DLGAP2: variants seen among roughly 807,000 people sequenced by gnomAD.
DLGAP2 encodes DLG associated protein 2.
A neutral mutation model predicts 100.3 loss-of-function variants in DLGAP2; 26 were observed. The ratio of observed to expected loss-of-function variants is 0.26; its 90% CI spans 0.19 to 0.36. The LOEUF is 0.36. DLGAP2 is among the 10% of genes least tolerant of loss of function. The pLI is 1.00. For missense variants in DLGAP2, 1,858 were observed against 1,453.2 expected (o/e 1.28, Z -4.53); for synonymous variants, 886 against 630.1 (o/e 1.41, Z -6.08).
chr8:1,690,729 A>AAAAAAAAAT (rs1799238226), intron 12 of DLGAP2, among the ~76,000 whole-genome samples: 1 of 149,252 alleles, frequency 6.7e-6, no homozygotes. Flanking sequence ...AAAAAAAAAA[A>AAAAAAAAAT]TTAGTATTTG....
Position 793,687 on chromosome 8 carries a change from T to C in DLGAP2, c.18+55862T>C, listed in dbSNP as rs114769584. 3.4e-3 allele frequency among the ~76,000 whole-genome samples: 522 copies of C among 152,378 alleles called. 3 individuals carry two copies. Among genetic ancestry groups the C allele is most frequent in the African/African-American group, 0.012 (494 of 41,590 alleles). On this transcript the variant is annotated intron_variant, in intron 1 of 14. Transcript: ENST00000637795. ...CTTTGCATTTTGTGCAATTTCCTTA[T>C]AGATTTCCCTGACGGAGTCCACAGC...
intron 1 of DLGAP2, among the ~76,000 whole-genome samples, chr8:904,678 C>T (rs558560463): frequency 6.6e-6 from 1 of 152,204 alleles, no homozygotes; most frequent in Non-Finnish European, 1.5e-5. Flanking sequence ...TTCGGGAACA[C>T]ATGTCAGTGC....
intron 2 of DLGAP2, among the ~76,000 whole-genome samples, chr8:951,385 C>T (rs1400355522): frequency 2.6e-5 from 4 of 152,152 alleles, no homozygotes; most frequent in Non-Finnish European, 5.9e-5. Flanking sequence ...GCCAGGATTA[C>T]AGGCACCTGC....
At chr8:865,896 A>G (rs547377939) in intron 1 of DLGAP2, among the ~76,000 whole-genome samples, 141 of 152,318 alleles carry the variant, frequency 9.3e-4, no homozygotes, top group Non-Finnish European at 1.7e-3. Context: ...CAGCTGCTGA[A>G]TGCATTCACT....
rs991036506 is a variant in DLGAP2 at position 1,678,106 on chromosome 8, G to T, written c.2289-108G>T. On this transcript the variant is annotated intron_variant, in intron 11 of 14. Coordinates refer to ENST00000637795, the MANE Select transcript of DLGAP2 (RefSeq NM_001346810.2). ...ACAAAACACTACCTGCCCTTGAGCC[G>T]CCAGGCTGTTGAGCTCAGGTGCGCT... The T allele has an allele frequency of 3.1e-6, 4 of 1,297,470 alleles. No homozygotes were observed. In the African/African-American group the frequency reaches 4.4e-5, roughly 14 times the overall value. 80.4% of individuals were successfully genotyped at this position (1,297,470 alleles called of 1,614,324 possible). A position where few individuals can be genotyped will look rare whatever the true frequency, so the allele number is the denominator to read the frequency against.
intron 2 of DLGAP2, among the ~76,000 whole-genome samples, chr8:1,136,377 C>G (rs990083305): frequency 8.5e-5 from 13 of 152,224 alleles, no homozygotes; most frequent in African/African-American, 2.4e-4. Flanking sequence ...ACAGCAGATG[C>G]TCGTGGGAGA....
chr8:1,306,555 A>G (rs967511723), intron 3 of DLGAP2, among the ~76,000 whole-genome samples: 3 of 152,194 alleles, frequency 2.0e-5, no homozygotes, highest in Non-Finnish European at 4.4e-5. Flanking sequence ...TAAAATTTAT[A>G]TGGAATTACA....
rs953532683 is a variant in DLGAP2, at chr8:1,262,453, G to T, written c.106+3570G>T. 4 of 152,246 alleles carry T rather than the reference G, an allele frequency of 2.6e-5. 1 individual carries two copies. The South Asian group carries it at 8.3e-4, about 32-fold the overall frequency. 9.4% of individuals were successfully genotyped at this position (152,246 alleles called of 1,614,324 possible). A position where few individuals can be genotyped will look rare whatever the true frequency, so the allele number is the denominator to read the frequency against. ...CCCAACTAAATCCTTGAAATGCAGC[G>T]TGGCGTGAAAATGGAGCGGCATTTT... On this transcript the variant is annotated intron_variant, in intron 3 of 14. Transcript: ENST00000637795.
intron 2 of DLGAP2, among the ~76,000 whole-genome samples, chr8:1,255,142 G>A (rs866791951): frequency 1.5e-5 from 2 of 131,278 alleles, no homozygotes; most frequent in African/African-American, 3.0e-5. Flanking sequence ...GGCGCTGAGT[G>A]TGTGTCCTCT....
intron 6 of DLGAP2, among the ~76,000 whole-genome samples, chr8:1,589,040 C>G (rs1435782928): frequency 6.6e-6 from 1 of 152,214 alleles, no homozygotes; most frequent in African/African-American, 2.4e-5. Flanking sequence ...TCCTAGTTGA[C>G]ACACACAAAC....
At chr8:1,458,140 T>C (rs1366244838) in intron 3 of DLGAP2, among the ~76,000 whole-genome samples, 1 of 151,298 alleles carries the variant, frequency 6.6e-6, no homozygotes, top group Non-Finnish European at 1.5e-5. Flanking sequence ...TCTCCTGACC[T>C]CGTGATCCAC....
At chr8:1,373,192 G>A (rs970534669) in intron 3 of DLGAP2, among the ~76,000 whole-genome samples, 1 of 152,146 alleles carries the variant, frequency 6.6e-6, no homozygotes, top group African/African-American at 2.4e-5. Context: ...ATTTGCTGCC[G>A]TTTGCTTGAG....
chr8:1,544,155 A>C (rs888522045), intron 4 of DLGAP2, among the ~76,000 whole-genome samples: 1 of 152,098 alleles, frequency 6.6e-6, no homozygotes, highest in African/African-American at 2.4e-5. Context: ...CCCCCATCTC[A>C]GCATCCCAAA....
rs574898425 is a variant in DLGAP2 at position 1,587,338 on chromosome 8, G to C, written c.1442+21444G>C. On this transcript the variant is annotated intron_variant, in intron 6 of 14. Coordinates refer to ENST00000637795, the MANE Select transcript of DLGAP2 (RefSeq NM_001346810.2). Reference sequence around the variant, plus strand: ...GCTTCAGGGGGATGGTCTTGAAAAAGGAAAATGGTGATCTGGGGTGAGGCC... The same window carrying C: ...GCTTCAGGGGGATGGTCTTGAAAAACGAAAATGGTGATCTGGGGTGAGGCC... Among the ~76,000 whole-genome samples the C allele has an allele frequency of 2.1e-4, 32 of 152,270 alleles. No individual in the cohort carries two copies. In the South Asian group the frequency reaches 6.4e-3, roughly 31 times the overall value.
chr8:1,605,399 G>C (rs901422708), intron 6 of DLGAP2, among the ~76,000 whole-genome samples: 6 of 152,196 alleles, frequency 3.9e-5, no homozygotes, highest in African/African-American at 1.4e-4. Flanking sequence ...GAGAAGCAAA[G>C]TGGTCTCCAT....
intron 8 of DLGAP2, among the ~76,000 whole-genome samples, chr8:1,662,350 C>T (rs887983765): frequency 3.3e-5 from 5 of 152,130 alleles, no homozygotes; most frequent in African/African-American, 1.2e-4. Context: ...TATCTTCTGC[C>T]ACCAAAGGCA....
At chr8:837,968 C>T (rs1466072259) in intron 1 of DLGAP2, among the ~76,000 whole-genome samples, 2 of 147,930 alleles carry the variant, frequency 1.4e-5, no homozygotes, top group Non-Finnish European at 3.0e-5. Context: ...CTCAAGTGAT[C>T]TGCCTGCCTT....
chr8:1,593,327 C>T (rs372966960), intron 6 of DLGAP2, among the ~76,000 whole-genome samples: 7 of 151,812 alleles, frequency 4.6e-5, no homozygotes, highest in Admixed American at 1.3e-4. Flanking sequence ...TGGTGGCGGG[C>T]GCCTGTAGTC....
At chr8:1,420,811 C>G (rs1052787825) in intron 3 of DLGAP2, among the ~76,000 whole-genome samples, 1 of 152,202 alleles carries the variant, frequency 6.6e-6, no homozygotes, top group African/African-American at 2.4e-5. Flanking sequence ...CCATAATCAT[C>G]CAGATTTAGA....
Sources: allele counts gnomAD v4.1 joint callset (sites outside exome capture counted in the v4.1 genomes callset), GRCh38; gene constraint gnomAD v4.1.1; transcripts MANE v1.5; gene names NCBI Gene and HGNC (gene_info 2026-07-23, HGNC 2026-07-21).